Variants in CSMD1 observed in about 807,000 individuals in gnomAD.
The protein encoded by CSMD1 is CUB and sushi domain-containing protein 1.
CSMD1 carries 213 observed loss-of-function variants against 417.5 expected under a neutral mutation model. That is an observed-to-expected ratio of 0.51 (90% confidence interval 0.46 to 0.57). CSMD1 has a LOEUF of 0.57. Ranked by LOEUF, CSMD1 falls within the 20% of genes least tolerant of loss-of-function variation. CSMD1 has a pLI of 0.00. For missense variants in CSMD1, 6,923 were observed against 4,529.7 expected (o/e 1.53, Z -15.17); for synonymous variants, 2,862 against 1,736.8 (o/e 1.65, Z -16.11).
intron 3 of CSMD1, among the ~76,000 whole-genome samples, chr8:4,334,002 C>T (rs561232694): frequency 3.9e-5 from 6 of 152,134 alleles, no homozygotes; most frequent in East Asian, 1.9e-4. Flanking sequence ...GCCATCCTCC[C>T]GCCTCAGACT....
intron 5 of CSMD1, among the ~76,000 whole-genome samples, chr8:3,949,096 T>C (rs1158528166): frequency 6.6e-6 from 1 of 152,230 alleles, no homozygotes; most frequent in African/African-American, 2.4e-5. Flanking sequence ...AAATTATACC[T>C]ATTTATGATG....
intron 10 of CSMD1, among the ~76,000 whole-genome samples, chr8:3,547,337 T>C (rs1449711707): frequency 6.6e-6 from 1 of 152,200 alleles, no homozygotes. Flanking sequence ...AGTGAGAATG[T>C]AAAATTTGTA....
chr8:4,675,110 T>G (rs903521574), intron 1 of CSMD1, among the ~76,000 whole-genome samples: 7 of 152,236 alleles, frequency 4.6e-5, no homozygotes, highest in African/African-American at 1.7e-4. Flanking sequence ...TCCATGGTAT[T>G]TTGTTATGGC....
At chr8:3,601,882 G>T (rs1340813694) in intron 8 of CSMD1, among the ~76,000 whole-genome samples, 1 of 152,150 alleles carries the variant, frequency 6.6e-6, no homozygotes, top group East Asian at 1.9e-4. Flanking sequence ...GAGAGAGTTA[G>T]TGTTCACAGA....
intron 1 of CSMD1, among the ~76,000 whole-genome samples, chr8:4,913,613 G>T (rs1434546692): frequency 6.6e-6 from 1 of 152,204 alleles, no homozygotes; most frequent in Non-Finnish European, 1.5e-5. Context: ...ATGTTTTGCA[G>T]TAGGTGTTGC....
chr8:3,445,770 G>A (rs1253181212), intron 12 of CSMD1, among the ~76,000 whole-genome samples: 1 of 152,164 alleles, frequency 6.6e-6, no homozygotes, highest in Non-Finnish European at 1.5e-5. Context: ...CATGTAAACA[G>A]TAAGAGGATA....
intron 2 of CSMD1, among the ~76,000 whole-genome samples, chr8:4,608,230 T>G (rs1585323688): frequency 6.6e-6 from 1 of 152,120 alleles, no homozygotes; most frequent in South Asian, 2.1e-4. Flanking sequence ...TGGAAGCATT[T>G]TGAGCTGGAG....
chr8:3,718,375 A>C (rs1010767344), intron 6 of CSMD1, among the ~76,000 whole-genome samples: 1 of 152,116 alleles, frequency 6.6e-6, no homozygotes, highest in Admixed American at 6.6e-5. Flanking sequence ...GAACTACATT[A>C]TCAAATTTTA....
chr8:3,074,022 A>G (rs1310146284), intron 49 of CSMD1, among the ~76,000 whole-genome samples: 1 of 152,242 alleles, frequency 6.6e-6, no homozygotes, highest in Non-Finnish European at 1.5e-5. Flanking sequence ...GCGTGGCCTC[A>G]CCCTGAGGGT....
intron 3 of CSMD1, among the ~76,000 whole-genome samples, chr8:4,391,944 T>C (rs1431344384): frequency 6.6e-6 from 1 of 152,176 alleles, no homozygotes; most frequent in Non-Finnish European, 1.5e-5. Context: ...AATACTGAGA[T>C]AGTCTCCTTG....
chr8:3,958,547 A>G (rs1812123137), intron 5 of CSMD1, among the ~76,000 whole-genome samples: 1 of 152,186 alleles, frequency 6.6e-6, no homozygotes, highest in South Asian at 2.1e-4. Flanking sequence ...TTATTCATTT[A>G]CTGAGGTATC....
At chr8:3,968,437 C>CA (rs1812841724) in intron 5 of CSMD1, among the ~76,000 whole-genome samples, 1 of 152,136 alleles carries the variant, frequency 6.6e-6, no homozygotes, top group Admixed American at 6.5e-5. Flanking sequence ...ACACACTCAG[C>CA]AACCCACACA....
chr8:4,492,479 A>G (rs890961794), intron 2 of CSMD1, among the ~76,000 whole-genome samples: 4 of 152,212 alleles, frequency 2.6e-5, no homozygotes, highest in Non-Finnish European at 5.9e-5. Flanking sequence ...TAGATTCCTC[A>G]GTATATATAA....
intron 2 of CSMD1, among the ~76,000 whole-genome samples, chr8:4,504,262 G>A (rs1178602985): frequency 4.6e-5 from 7 of 152,154 alleles, no homozygotes; most frequent in Admixed American, 1.3e-4. Context: ...CCATTTCCAT[G>A]GGGAATCTAC....
chr8:4,418,634 A>G (rs1797079912), intron 3 of CSMD1, among the ~76,000 whole-genome samples: 1 of 152,156 alleles, frequency 6.6e-6, no homozygotes, highest in Non-Finnish European at 1.5e-5. Flanking sequence ...ATTGCTTTAG[A>G]GATGCTTTTG....
intron 10 of CSMD1, among the ~76,000 whole-genome samples, chr8:3,524,795 CAGA>C (rs1223181657): frequency 2.0e-5 from 3 of 151,202 alleles, no homozygotes; most frequent in African/African-American, 7.3e-5. Context: ...GACATGCACA[CAGA>C]AGTACACACA....
At chr8:3,429,431 A>C (rs1227970480) in intron 12 of CSMD1, among the ~76,000 whole-genome samples, 1 of 152,192 alleles carries the variant, frequency 6.6e-6, no homozygotes, top group Non-Finnish European at 1.5e-5. Flanking sequence ...GACCCAAGGG[A>C]AATGGAAGCC....
intron 1 of CSMD1, among the ~76,000 whole-genome samples, chr8:4,958,357 G>C (rs971138725): frequency 3.9e-5 from 6 of 152,154 alleles, no homozygotes; most frequent in African/African-American, 1.4e-4. Context: ...GAACATGGTT[G>C]ATCTTTACCC....
At chr8:4,302,470 G>C (rs1447696167) in intron 3 of CSMD1, among the ~76,000 whole-genome samples, 1 of 152,136 alleles carries the variant, frequency 6.6e-6, no homozygotes, top group Non-Finnish European at 1.5e-5. Flanking sequence ...AGACAAAACA[G>C]CAGTCTGTGA....
Sources: gnomAD v4.1 joint callset for allele counts (sites outside exome capture counted in the v4.1 genomes callset) on GRCh38, gnomAD v4.1.1 for gene constraint, MANE v1.5 for transcripts, NCBI Gene and HGNC (gene_info 2026-07-23, HGNC 2026-07-21) for gene names.